The following NPEPPS variants were observed in gnomAD, a reference collection of about 807,000 sequenced individuals.
The protein encoded by NPEPPS is puromycin-sensitive aminopeptidase.
A neutral mutation model predicts 115.5 loss-of-function variants in NPEPPS; 14 were observed. The ratio of observed to expected loss-of-function variants is 0.12; its 90% CI spans 0.08 to 0.19. The LOEUF is 0.19. Among genes scored for constraint, NPEPPS ranks in the 10% least tolerant of loss-of-function variants. The probability of loss-of-function intolerance (pLI) is 1.00; values close to 1 mark genes in which losing one functional copy is unlikely to be tolerated. For missense variants in NPEPPS, 523 were observed against 1,110.8 expected (o/e 0.47, Z 7.52); for synonymous variants, 285 against 390.6 (o/e 0.73, Z 3.19).
At chr17:47,525,168 C>CTG (rs1462016011) in intron 1 of NPEPPS, among the ~76,000 whole-genome samples, 2 of 152,066 alleles carry the variant, frequency 1.3e-5, no homozygotes, top group Non-Finnish European at 2.9e-5. Context: ...TTTAAGGGAA[C>CTG]TGTGTGTTAC....
Position 47,569,499 on chromosome 17 carries a change from G to T in NPEPPS, c.418+5G>T, listed in dbSNP as rs1911059879. 2.4e-6 allele frequency: 3 copies of T among 1,271,144 alleles called. No homozygotes were observed. Among genetic ancestry groups the T allele is most frequent in the African/African-American group, 1.5e-5 (1 of 67,794 alleles). 78.7% of individuals were successfully genotyped at this position (1,271,144 alleles called of 1,614,324 possible). A position where few individuals can be genotyped will look rare whatever the true frequency, so the allele number is the denominator to read the frequency against. On this transcript the variant is annotated splice_donor_5th_base_variant and intron_variant, in intron 3 of 22. Transcript: ENST00000322157. ...TCCCTAGTACTCTGCAAACAGGTAA[G>T]AGACATAGCTTTTGTAAAATCTCGT...
Position 47,621,791 on chromosome 17 carries a change from T to C in NPEPPS, c.2631T>C (p.Ala877=). Residue 877 remains alanine, a synonymous_variant, in exon 23 of 23, where the codon GCT becomes GCC. Coordinates refer to ENST00000322157, the MANE Select transcript of NPEPPS (RefSeq NM_006310.4). Reference sequence around the variant, plus strand: ...AGGCTTTCTTCGAGAGTCACCCAGCTCCTTCAGCTGAGCGTACCATCCAGC... The same window carrying C: ...AGGCTTTCTTCGAGAGTCACCCAGCCCCTTCAGCTGAGCGTACCATCCAGC... The part of the protein sequence containing the change: ...EVKAFFESHP[A]PSAERTIQQC... The C allele has an allele frequency of 6.2e-7, 1 of 1,611,990 alleles. No homozygotes were observed.
At chr17:47,597,135 A>T (rs1235879143) in intron 13 of NPEPPS, among the ~76,000 whole-genome samples, 1 of 151,618 alleles carries the variant, frequency 6.6e-6, no homozygotes, top group African/African-American at 2.4e-5. Context: ...GACTAGATGT[A>T]GAAAAAACAT....
chr17:47,614,526 C>G (rs182898183), intron 19 of NPEPPS, among the ~76,000 whole-genome samples: 55 of 152,304 alleles, frequency 3.6e-4, no homozygotes, highest in Admixed American at 3.2e-3. Flanking sequence ...TTCATAGCCT[C>G]TCTAGTTTTC....
chr17:47,595,608 T>TGA (rs1912813564), intron 12 of NPEPPS, among the ~76,000 whole-genome samples: 1 of 152,090 alleles, frequency 6.6e-6, no homozygotes, highest in African/African-American at 2.4e-5. Flanking sequence ...CTTGGGAGGC[T>TGA]GAGGCAGGTG....
At chr17:47,595,439 T>C (rs537047222) in intron 12 of NPEPPS, among the ~76,000 whole-genome samples, 2 of 152,378 alleles carry the variant, frequency 1.3e-5, no homozygotes, top group South Asian at 4.1e-4. Context: ...TTAGTAGTGA[T>C]CTTGAACACA....
rs1237119450 is a variant in NPEPPS at position 47,613,780 on chromosome 17, C to CCTTGGATAGAT, written c.2295+55_2295+56insCTTGGATAGAT. 7.9e-6 allele frequency: 10 copies of CCTTGGATAGAT among 1,273,540 alleles called. 1 individual carries two copies. The highest frequency in any genetic ancestry group is 4.6e-5 in the East Asian group (2 of 43,026). The allele number at this position is 1,273,540 out of a possible 1,614,324, so 78.9% of individuals were successfully genotyped here. A position where few individuals can be genotyped will look rare whatever the true frequency, so the allele number is the denominator to read the frequency against. ...CTGCTTTTGAACTTGGATAGACACA[C>CCTTGGATAGAT]AGTAAACCTCTAAATGGTTAAAAAA... On this transcript the variant is annotated intron_variant, in intron 19 of 22. Coordinates refer to ENST00000322157, the MANE Select transcript of NPEPPS (RefSeq NM_006310.4).
chr17:47,532,658 C>CAAAA (rs898672269), intron 1 of NPEPPS, among the ~76,000 whole-genome samples: 2 of 51,408 alleles, frequency 3.9e-5, no homozygotes, highest in Admixed American at 2.1e-4. Context: ...GACTCCGTCT[C>CAAAA]AAAAAAAAAA....
At chr17:47,550,503 T>C (rs992920080) in intron 2 of NPEPPS, among the ~76,000 whole-genome samples, 4 of 150,518 alleles carry the variant, frequency 2.7e-5, no homozygotes, top group Non-Finnish European at 4.4e-5. Context: ...ATATTAGTTA[T>C]GTACCCTTTT....
At chr17:47,606,733 C>T (rs1913540356) in intron 17 of NPEPPS, among the ~76,000 whole-genome samples, 2 of 151,456 alleles carry the variant, frequency 1.3e-5, no homozygotes, top group Admixed American at 6.6e-5. Flanking sequence ...TGAGCCACTA[C>T]AGCTGGTCCC....
chr17:47,556,802 C>T (rs1174239192), intron 2 of NPEPPS, among the ~76,000 whole-genome samples: 1 of 152,210 alleles, frequency 6.6e-6, no homozygotes, highest in Admixed American at 6.5e-5. Context: ...GGCCACCACG[C>T]CCGGCTAATT....
intron 2 of NPEPPS, among the ~76,000 whole-genome samples, chr17:47,568,461 G>A (rs112078436): frequency 3.3e-5 from 5 of 151,828 alleles, no homozygotes; most frequent in South Asian, 2.1e-4. Context: ...ATGAGCCACC[G>A]TGTCCGGCCT....
intron 17 of NPEPPS, among the ~76,000 whole-genome samples, chr17:47,607,061 C>T (rs1321127691): frequency 7.9e-5 from 12 of 151,932 alleles, no homozygotes; most frequent in East Asian, 1.9e-4. Context: ...GGTGTGGTGG[C>T]GGGTGCCTCT....
intron 3 of NPEPPS, among the ~76,000 whole-genome samples, chr17:47,575,331 AT>A (rs1446650502): frequency 6.6e-6 from 1 of 152,020 alleles, no homozygotes; most frequent in African/African-American, 2.4e-5. Context: ...AACTGTAAAT[AT>A]TGGAGGCCAT....
intron 19 of NPEPPS, among the ~76,000 whole-genome samples, chr17:47,616,412 G>A (rs1052109067): frequency 2.0e-5 from 3 of 152,066 alleles, no homozygotes; most frequent in Non-Finnish European, 4.4e-5. Context: ...GGCCAGGCGC[G>A]GTGGCTCACG....
At chr17:47,553,563 C>T (rs893657632) in intron 2 of NPEPPS, among the ~76,000 whole-genome samples, 1 of 151,922 alleles carries the variant, frequency 6.6e-6, no homozygotes, top group African/African-American at 2.4e-5. Context: ...TTCTAAGACC[C>T]CCAATGGTAT....
intron 2 of NPEPPS, among the ~76,000 whole-genome samples, chr17:47,561,121 A>T (rs529460385): frequency 5.5e-4 from 83 of 152,282 alleles, no homozygotes; most frequent in African/African-American, 1.9e-3. Flanking sequence ...GGCTATTTTT[A>T]AAAATTTCAA....
chr17:47,584,414 G>C (rs2143848843), intron 5 of NPEPPS, among the ~76,000 whole-genome samples: 1 of 152,260 alleles, frequency 6.6e-6, no homozygotes, highest in East Asian at 1.9e-4. Context: ...TTCCCCACTT[G>C]AAGTGTGTTG....
In NPEPPS at chr17:47,579,486, G is replaced by A. The variant is rs746268471; in HGVS notation, c.515G>A (p.Arg172His). 3.1e-6 allele frequency: 5 copies of A among 1,609,066 alleles called. No homozygotes were observed. Among genetic ancestry groups the A allele is most frequent in the East Asian group, 2.2e-5 (1 of 44,762 alleles). ...SKYTTPSGEVRYAAVTQFEAT... is the reference protein window; with the variant it reads ...SKYTTPSGEVHYAAVTQFEAT... ...TATACTACCCCTTCTGGAGAGGTGCGCTATGCTGCTGTAACACAGTTTGAG... is the reference window on the plus strand; with the variant it reads ...TATACTACCCCTTCTGGAGAGGTGCACTATGCTGCTGTAACACAGTTTGAG... The change falls in exon 4 of 23, where the codon CGC (arginine) becomes CAC (histidine). Residue 172 changes from arginine to histidine, a missense_variant. By Grantham distance (29) the Arg-to-His change is conservative. Coordinates refer to ENST00000322157, the MANE Select transcript of NPEPPS (RefSeq NM_006310.4).
Sources: gnomAD v4.1 joint callset for allele counts (sites outside exome capture counted in the v4.1 genomes callset) on GRCh38, gnomAD v4.1.1 for gene constraint, MANE v1.5 for transcripts, NCBI Gene and HGNC (gene_info 2026-07-23, HGNC 2026-07-21) for gene names.